Variants in PPP2R2A observed in about 807,000 individuals in gnomAD.
PPP2R2A encodes protein phosphatase 2 regulatory subunit Balpha, also known as serine/threonine-protein phosphatase 2A 55 kDa regulatory subunit B alpha isoform.
PPP2R2A carries 9 observed loss-of-function variants against 53.2 expected under a neutral mutation model. That is an observed-to-expected ratio of 0.17 (90% CI 0.10 to 0.30). PPP2R2A has a LOEUF of 0.30. Ranked by LOEUF, PPP2R2A falls within the 10% of genes least tolerant of loss-of-function variation. PPP2R2A has a pLI of 1.00. For synonymous variants in PPP2R2A, 169 were observed against 174.2 expected (o/e 0.97, Z 0.23); for missense variants, 235 against 534.6 (o/e 0.44, Z 5.53).
At position 26,362,219 on chromosome 8, in the gene PPP2R2A, C is replaced by T. The variant is rs1246753741; in HGVS notation, c.638-465C>T. On this transcript the variant is annotated intron_variant, in intron 6 of 9. Coordinates refer to ENST00000380737, the MANE Select transcript of PPP2R2A (RefSeq NM_002717.4). This position sits in a 1 kb window ranked among gnomAD's most constrained non-coding sequence, Gnocchi z 4.4. ...AAAAATATTCTATTGAGGCCGGGCA[C>T]AGTGACTCATGCCTGTAATCCCAGC... is the stretch of plus-strand genomic sequence containing the variant. Among the ~76,000 whole-genome samples the T allele has an allele frequency of 6.6e-6, 1 of 151,266 alleles. No individual in the cohort carries two copies. Among genetic ancestry groups the T allele is most frequent in the East Asian group, 2.0e-4 (1 of 5,112 alleles).
chr8:26,363,062 A>G (rs1158671074), intron 7 of PPP2R2A: 1 of 498,470 alleles, frequency 2.0e-6, no homozygotes, highest in South Asian at 2.6e-5. Context: ...TTGCCAAGGA[A>G]TATATCTCTC....
rs142546394 is a variant in PPP2R2A at position 26,315,499 on chromosome 8, T to C, written c.82+21759T>C. On this transcript the variant is annotated intron_variant, in intron 2 of 9. Transcript: ENST00000380737. ...ATTTGACGCCTCACCACCAGCTTCC[T>C]CTCAAATTGATACCTTCTCAAGGTC... 3.3e-3 allele frequency among the ~76,000 whole-genome samples: 510 copies of C among 152,294 alleles called. 2 individuals carry two copies. The highest frequency in any genetic ancestry group is 5.6e-3 in the Non-Finnish European group (383 of 68,012).
chr8:26,349,970 T>C (rs1337406771), intron 3 of PPP2R2A, among the ~76,000 whole-genome samples: 3 of 152,258 alleles, frequency 2.0e-5, no homozygotes, highest in Admixed American at 2.0e-4. Flanking sequence ...ATAAATTTTA[T>C]GGCTGTTCTA....
At chr8:26,369,749 T>C (rs1395916505) in intron 9 of PPP2R2A, among the ~76,000 whole-genome samples, 1 of 152,222 alleles carries the variant, frequency 6.6e-6, no homozygotes, top group East Asian at 1.9e-4. Flanking sequence ...TACAGCTACT[T>C]CATGCGGGGT....
chr8:26,325,239 G>T (rs925406062), intron 2 of PPP2R2A, among the ~76,000 whole-genome samples: 2 of 151,878 alleles, frequency 1.3e-5, no homozygotes, highest in Admixed American at 6.6e-5. Context: ...GGACCCATGG[G>T]GGGGTAATTG....
chr8:26,322,996 C>T (rs562687481), intron 2 of PPP2R2A, among the ~76,000 whole-genome samples: 2 of 152,336 alleles, frequency 1.3e-5, no homozygotes, highest in East Asian at 1.9e-4. Context: ...TTCATCACTG[C>T]CTCCTTTTAA....
intron 2 of PPP2R2A, among the ~76,000 whole-genome samples, chr8:26,324,600 G>A (rs771272589): frequency 6.8e-4 from 103 of 152,162 alleles, no homozygotes; most frequent in African/African-American, 2.4e-3. Context: ...GGGAAATGTG[G>A]GGTCGGAGCC....
At chr8:26,319,380 A>G (rs1167871413) in intron 2 of PPP2R2A, among the ~76,000 whole-genome samples, 1 of 152,150 alleles carries the variant, frequency 6.6e-6, no homozygotes, top group Non-Finnish European at 1.5e-5. Context: ...TTTAGGAACA[A>G]TCATACTGTT....
At position 26,362,155 on chromosome 8, in the gene PPP2R2A, AAG is replaced by A. The variant is rs912219576; in HGVS notation, c.638-527_638-526del. Among the ~76,000 whole-genome samples, 2 of 151,606 alleles carry A rather than the reference AAG, an allele frequency of 1.3e-5. No individual in the cohort carries two copies. Among genetic ancestry groups the A allele is most frequent in the African/African-American group, 2.4e-5 (1 of 41,328 alleles). On this transcript the variant is annotated intron_variant, in intron 6 of 9. Coordinates refer to ENST00000380737, the MANE Select transcript of PPP2R2A (RefSeq NM_002717.4). The surrounding 1 kb of genome is among the most constrained non-coding windows in gnomAD (Gnocchi z 4.4). Reference sequence around the variant, plus strand: ...ATTACGATTAGATTAAGATTAGAAAAAGAAATTCACGCAAGTCATGATGCATG... The same window carrying A: ...ATTACGATTAGATTAAGATTAGAAAAAAATTCACGCAAGTCATGATGCATG...
intron 2 of PPP2R2A, among the ~76,000 whole-genome samples, chr8:26,317,127 C>T (rs1340575474): frequency 4.6e-5 from 7 of 152,178 alleles, no homozygotes; most frequent in Non-Finnish European, 7.3e-5. Flanking sequence ...TCTGCCTACC[C>T]CAGAGGTCAT....
At chr8:26,356,895 G>A (rs1001377833) in intron 4 of PPP2R2A, among the ~76,000 whole-genome samples, 20 of 152,060 alleles carry the variant, frequency 1.3e-4, no homozygotes, top group Non-Finnish European at 1.8e-4. Context: ...CTCCTCCTCA[G>A]TGTTATTTCG....
chr8:26,356,018 G>A (rs572864548), intron 4 of PPP2R2A, among the ~76,000 whole-genome samples: 23 of 152,128 alleles, frequency 1.5e-4, no homozygotes, highest in Non-Finnish European at 2.2e-4. Flanking sequence ...GGAATCATTA[G>A]AGTGACTGAG....
chr8:26,333,212 C>T (rs994962044), intron 2 of PPP2R2A, among the ~76,000 whole-genome samples: 7 of 152,178 alleles, frequency 4.6e-5, no homozygotes, highest in African/African-American at 1.7e-4. Context: ...GTAAATGTTT[C>T]CAGTCTGTGC....
rs1805138295 is a variant in PPP2R2A at position 26,362,160 on chromosome 8, A to G, written c.638-524A>G. 6.6e-6 allele frequency among the ~76,000 whole-genome samples: 1 copy of G among 151,628 alleles called. No individual in the cohort carries two copies. Among genetic ancestry groups the G allele is most frequent in the African/African-American group, 2.4e-5 (1 of 41,300 alleles). The stretch of plus-strand genomic sequence containing the variant: ...GATTAGATTAAGATTAGAAAAAGAA[A>G]TTCACGCAAGTCATGATGCATGATT... On this transcript the variant is annotated intron_variant, in intron 6 of 9. Coordinates refer to ENST00000380737, the MANE Select transcript of PPP2R2A (RefSeq NM_002717.4). The surrounding 1 kb of genome is among the most constrained non-coding windows in gnomAD (Gnocchi z 4.4).
intron 2 of PPP2R2A, among the ~76,000 whole-genome samples, chr8:26,334,113 A>C (rs1372004022): frequency 2.0e-5 from 3 of 152,140 alleles, no homozygotes; most frequent in African/African-American, 7.2e-5. Context: ...CTTAATGCAT[A>C]GTAGGGCAGT....
chr8:26,312,026 C>CATTATAA (rs60001865), intron 2 of PPP2R2A, among the ~76,000 whole-genome samples: 34,991 of 151,754 alleles, frequency 0.23, 4,948 homozygotes, highest in Non-Finnish European at 0.31. Context: ...ATATTTTTTA[C>CATTATAA]ATTATAAATA....
intron 2 of PPP2R2A, among the ~76,000 whole-genome samples, chr8:26,332,931 G>A (rs1409113184): frequency 2.0e-5 from 3 of 152,154 alleles, no homozygotes; most frequent in African/African-American, 7.2e-5. Flanking sequence ...TGAGTCCTGA[G>A]TCTGACAGTT....
chr8:26,293,133 G>A, intron 1 of PPP2R2A: 1 of 1,142,738 alleles, frequency 8.8e-7, no homozygotes, highest in Non-Finnish European at 1.2e-6. Flanking sequence ...TTTCCTCTCT[G>A]TCTGGAGCCA....
chr8:26,343,248 G>A (rs1472175043), intron 3 of PPP2R2A, among the ~76,000 whole-genome samples: 1 of 152,094 alleles, frequency 6.6e-6, no homozygotes, highest in Non-Finnish European at 1.5e-5. Flanking sequence ...ATCAGAATAT[G>A]TATGTATATG....
Sources: gnomAD v4.1 joint callset for allele counts (sites outside exome capture counted in the v4.1 genomes callset) on GRCh38, gnomAD v4.1.1 for gene constraint, Gnocchi (gnomAD v3.1) non-coding constraint, MANE v1.5 for transcripts, NCBI Gene and HGNC (gene_info 2026-07-23, HGNC 2026-07-21) for gene names.